Variants in SWT1 observed in about 807,000 individuals in gnomAD.
SWT1 encodes SWT1 RNA endoribonuclease homolog, also known as transcriptional protein SWT1.
Under a neutral mutation model 107.3 loss-of-function variants are expected in SWT1, and 33 were observed. That is an observed-to-expected ratio of 0.31 (90% CI 0.23 to 0.41). The LOEUF is 0.41. Among genes scored for constraint, SWT1 ranks in the 10% least tolerant of loss-of-function variants. SWT1 has a pLI of 1.00. For missense variants in SWT1, 898 were observed against 1,028.9 expected, an observed-to-expected ratio of 0.87 and a Z score of 1.74; for synonymous variants, 345 against 348.3, an observed-to-expected ratio of 0.99 and a Z score of 0.11.
intron 1 of SWT1, among the ~76,000 whole-genome samples, chr1:185,158,487 C>T (rs1653840762): frequency 6.6e-6 from 1 of 151,414 alleles, no homozygotes; most frequent in African/African-American, 2.4e-5. Context: ...TGTGCATCAT[C>T]CAATAATTCT....
chr1:185,178,999 A>C (rs550774591), intron 5 of SWT1, among the ~76,000 whole-genome samples: 4 of 152,276 alleles, frequency 2.6e-5, no homozygotes, highest in East Asian at 3.9e-4. Context: ...GTGTGGGCGC[A>C]GTGGCTCGTG....
rs542519425 is a variant in SWT1 at position 185,207,085 on chromosome 1, T to A, written c.1972+322T>A. Among the ~76,000 whole-genome samples, 676 of 152,374 alleles carry A rather than the reference T, an allele frequency of 4.4e-3. 5 individuals carry two copies. Among genetic ancestry groups the A allele is most frequent in the African/African-American group, 0.016 (647 of 41,580 alleles). Reference sequence around the variant, plus strand: ...ACTTTTAAAACCATGTTTTACATTCTGTTCAGATACACCAATAGAATTAAT... The same window carrying A: ...ACTTTTAAAACCATGTTTTACATTCAGTTCAGATACACCAATAGAATTAAT... On this transcript the variant is annotated intron_variant, in intron 13 of 18. Transcript: ENST00000367500.
At chr1:185,241,299 T>C (rs140392287) in intron 16 of SWT1, among the ~76,000 whole-genome samples, 35 of 151,902 alleles carry the variant, frequency 2.3e-4, no homozygotes, top group African/African-American at 7.2e-4. Context: ...AGTGGAGGGG[T>C]TTATTCATGT....
intron 15 of SWT1, among the ~76,000 whole-genome samples, chr1:185,222,762 C>CAAAAAAA (rs59515070): frequency 1.9e-4 from 7 of 36,070 alleles, no homozygotes; most frequent in African/African-American, 3.7e-4. Context: ...GACGCCATCT[C>CAAAAAAA]AAAAAAAAAA....
chr1:185,251,277 C>T (rs1661997798), intron 16 of SWT1: 1 of 152,464 alleles, frequency 6.6e-6, no homozygotes, highest in East Asian at 1.9e-4. Context: ...AAAGCTACAT[C>T]AATTCTAAAT....
chr1:185,168,791 G>C (rs1359869860), intron 4 of SWT1, among the ~76,000 whole-genome samples: 1 of 152,096 alleles, frequency 6.6e-6, no homozygotes, highest in African/African-American at 2.4e-5. Context: ...AATTGATATG[G>C]CTTTAAAACC....
intron 16 of SWT1, among the ~76,000 whole-genome samples, chr1:185,255,150 T>G (rs1458728470): frequency 1.3e-5 from 2 of 152,214 alleles, no homozygotes; most frequent in Non-Finnish European, 2.9e-5. Context: ...AGAGACAGTT[T>G]GTTATAATTT....
In SWT1 at chr1:185,198,938, A is replaced by AT. The variant is rs58426812; in HGVS notation, c.1524-3698dup. Among the ~76,000 whole-genome samples, 759 of 129,892 alleles carry AT rather than the reference A, an allele frequency of 5.8e-3. 1 individual carries two copies. Among genetic ancestry groups the AT allele is most frequent in the Admixed American group, 0.013 (167 of 12,888 alleles). 85.2% of individuals were successfully genotyped at this position (129,892 alleles called of 152,430 possible). A position where few individuals can be genotyped will look rare whatever the true frequency, so the allele number is the denominator to read the frequency against. ...TAATTGGGGCATTTAGCTCGTTTACATTTTTTTTTTTTTTTTTTGAGACGA... is the reference window on the plus strand; with the variant it reads ...TAATTGGGGCATTTAGCTCGTTTACATTTTTTTTTTTTTTTTTTTGAGACGA... On this transcript the variant is annotated intron_variant, in intron 10 of 18. Transcript: ENST00000367500.
chr1:185,176,511 T>A, intron 5 of SWT1: 1 of 945,658 alleles, frequency 1.1e-6, no homozygotes, highest in Non-Finnish European at 1.3e-6. Context: ...AATTGCCATT[T>A]ATGGACTACT....
chr1:185,201,016 G>A (rs904543584), intron 10 of SWT1, among the ~76,000 whole-genome samples: 17 of 152,070 alleles, frequency 1.1e-4, no homozygotes, highest in Admixed American at 3.3e-4. Flanking sequence ...GGGCTTTGCC[G>A]AGTCTAAACT....
intron 18 of SWT1, among the ~76,000 whole-genome samples, chr1:185,284,126 T>C (rs2102780028): frequency 6.6e-6 from 1 of 152,286 alleles, no homozygotes; most frequent in East Asian, 1.9e-4. Context: ...CCTTTTTTGG[T>C]TTTGGTTAGT....
At chr1:185,228,169 G>GTATATATATATATATATATATATATA (rs757812651) in intron 15 of SWT1, among the ~76,000 whole-genome samples, 1 of 79,328 alleles carries the variant, frequency 1.3e-5, no homozygotes, top group African/African-American at 4.9e-5. Flanking sequence ...AAAAAAATGT[G>GTATATATATATATATATATATATATA]TATATATATA....
At chr1:185,213,367 A>G (rs1429445665) in intron 13 of SWT1, among the ~76,000 whole-genome samples, 1 of 152,196 alleles carries the variant, frequency 6.6e-6, no homozygotes, top group Non-Finnish European at 1.5e-5. Flanking sequence ...TCCTGTAAGG[A>G]AATACATTGG....
At chr1:185,212,194 CTG>C in intron 13 of SWT1, among the ~76,000 whole-genome samples, 1 of 152,018 alleles carries the variant, frequency 6.6e-6, no homozygotes, top group Admixed American at 6.6e-5. Flanking sequence ...TACCCTAAAA[CTG>C]AAAGTGTAAT....
At chr1:185,237,314 A>G (rs915548972) in intron 16 of SWT1, among the ~76,000 whole-genome samples, 8 of 152,250 alleles carry the variant, frequency 5.3e-5, no homozygotes, top group African/African-American at 1.4e-4. Context: ...ATGCCTATCA[A>G]TGATAGACTG....
intron 16 of SWT1, among the ~76,000 whole-genome samples, chr1:185,238,940 G>T (rs2102600377): frequency 6.6e-6 from 1 of 152,118 alleles, no homozygotes; most frequent in East Asian, 1.9e-4. Context: ...CATGCAATTT[G>T]TAGTGACTGC....
At chr1:185,181,518 C>CT (rs1656017868) in intron 6 of SWT1, among the ~76,000 whole-genome samples, 1 of 152,080 alleles carries the variant, frequency 6.6e-6, no homozygotes, top group African/African-American at 2.4e-5. Flanking sequence ...AAGAAGAATG[C>CT]TTACTGTCAA....
intron 10 of SWT1, 42 bp from the exon 11 acceptor site, chr1:185,202,612 A>T: frequency 6.4e-7 from 1 of 1,574,720 alleles, no homozygotes; most frequent in Middle Eastern, 1.7e-4. Context: ...TTTACCTTAT[A>T]AAAAATATTT....
rs1237770181 is a variant in SWT1, at chr1:185,290,760, A to G, written c.2660A>G (p.Lys887Arg). The G allele has an allele frequency of 1.9e-6, 3 of 1,611,760 alleles. No homozygotes were observed. The Admixed American group carries it at 5.0e-5, about 27-fold the overall frequency. Residue 887 changes from lysine to arginine, a missense_variant, in exon 19 of 19, where the codon AAA (lysine) becomes AGA (arginine). Physicochemically the swap from Lys to Arg is conservative, Grantham distance 26. Transcript: ENST00000367500. The stretch of plus-strand genomic sequence containing the variant: ...AATGCATCTGTTTATATGGAGGCCA[A>G]AAACAGGGGATGGTGTGAAGACATG... ...QCNASVYMEA[K>R]NRGWCEDMLN...
Sources: gnomAD v4.1 joint callset for allele counts (sites outside exome capture counted in the v4.1 genomes callset) on GRCh38, gnomAD v4.1.1 for gene constraint, MANE v1.5 for transcripts, NCBI Gene and HGNC (gene_info 2026-07-23, HGNC 2026-07-21) for gene names.